Variants in STAG1 observed in about 807,000 individuals in gnomAD.
STAG1 encodes cohesin subunit SA-1.
In STAG1, 26 loss-of-function variants were observed where a neutral mutation model predicts 170.9. The observed-to-expected ratio is 0.15, with a 90% CI of 0.11 to 0.21. The LOEUF is 0.21. STAG1 is among the 10% of genes least tolerant of loss of function. STAG1 has a pLI of 1.00. For synonymous variants in STAG1, 514 were observed against 497.7 expected (o/e 1.03, Z -0.44); for missense variants, 964 against 1,509.5 (o/e 0.64, Z 5.99).
chr3:136,405,494 G>A (rs1288665436), intron 21 of STAG1, among the ~76,000 whole-genome samples: 1 of 151,142 alleles, frequency 6.6e-6, no homozygotes, highest in Admixed American at 6.6e-5. Flanking sequence ...TGCCTGTATC[G>A]ACCTCTCAAA....
chr3:136,430,928 G>C (rs1169994618), intron 16 of STAG1, among the ~76,000 whole-genome samples: 1 of 149,180 alleles, frequency 6.7e-6, no homozygotes, highest in Non-Finnish European at 1.5e-5. Context: ...TTTGGAGACA[G>C]AGTCTTACTC....
In STAG1 at chr3:136,498,225, T is replaced by TACAC. The variant is rs1238657418; in HGVS notation, c.902+1997_902+1998insGTGT. ...AAAAAAAAAATTATATATATATATA[T>TACAC]ATATATATACACATACATATACATA... On this transcript the variant is annotated intron_variant, in intron 9 of 33. Coordinates refer to ENST00000383202, the MANE Select transcript of STAG1 (RefSeq NM_005862.3). Among the ~76,000 whole-genome samples, 3 of 56,726 alleles carry TACAC rather than the reference T, an allele frequency of 5.3e-5. 1 individual carries two copies. The highest frequency in any genetic ancestry group is 2.4e-4 in the African/African-American group (3 of 12,754). The allele number at this position is 56,726 out of a possible 152,430, so 37.2% of individuals were successfully genotyped here. A position where few individuals can be genotyped will look rare whatever the true frequency, so the allele number is the denominator to read the frequency against.
chr3:136,503,216 A>G (rs953140425), intron 7 of STAG1, among the ~76,000 whole-genome samples: 4 of 152,160 alleles, frequency 2.6e-5, no homozygotes, highest in Non-Finnish European at 4.4e-5. Context: ...TTTACAATCA[A>G]TTTGTGATCT....
intron 31 of STAG1, 144 bp downstream of exon 31, chr3:136,341,297 A>G (rs477142): frequency 1 from 578,441 of 578,492 alleles, 289,195 homozygotes; most frequent in East Asian, 1. Flanking sequence ...AAGAACTCAC[A>G]CCCTCCTTTC....
intron 1 of STAG1, among the ~76,000 whole-genome samples, chr3:136,730,267 T>C (rs768308444): frequency 2.0e-5 from 3 of 152,244 alleles, no homozygotes; most frequent in Non-Finnish European, 4.4e-5. Flanking sequence ...CTGTGATTTG[T>C]TGCCAACATT....
chr3:136,377,826 G>T, intron 22 of STAG1, 74 bp from the exon 23 acceptor site: 3 of 1,238,756 alleles, frequency 2.4e-6, no homozygotes, highest in Non-Finnish European at 3.5e-6. Flanking sequence ...AACAGTAAGT[G>T]GAAAATAGCA....
At chr3:136,368,776 G>T (rs1197076789) in intron 24 of STAG1, among the ~76,000 whole-genome samples, 1 of 152,238 alleles carries the variant, frequency 6.6e-6, no homozygotes, top group Non-Finnish European at 1.5e-5. Flanking sequence ...TTAAAGGAGG[G>T]AGACTTCACT....
intron 8 of STAG1, 116 bp downstream of exon 8, chr3:136,502,512 A>C: frequency 8.7e-7 from 1 of 1,148,144 alleles, no homozygotes; most frequent in Non-Finnish European, 1.2e-6. Flanking sequence ...CCTGACATCA[A>C]ATAATCTAAC....
intron 3 of STAG1, among the ~76,000 whole-genome samples, chr3:136,605,309 TG>T (rs952035613): frequency 6.6e-6 from 1 of 152,174 alleles, no homozygotes; most frequent in African/African-American, 2.4e-5. Flanking sequence ...AGTTAATACT[TG>T]CTATAATCTT....
intron 15 of STAG1, among the ~76,000 whole-genome samples, chr3:136,439,077 T>C (rs2107755508): frequency 6.6e-6 from 1 of 150,490 alleles, no homozygotes; most frequent in Non-Finnish European, 1.5e-5. Flanking sequence ...GCGCCTGTAA[T>C]CCCAGCTACT....
intron 4 of STAG1, among the ~76,000 whole-genome samples, chr3:136,572,795 C>A (rs1937317119): frequency 6.6e-6 from 1 of 151,698 alleles, no homozygotes; most frequent in Non-Finnish European, 1.5e-5. Flanking sequence ...TGATACTGAC[C>A]CTGATATATT....
At chr3:136,541,767 T>G (rs1935917104) in intron 6 of STAG1, among the ~76,000 whole-genome samples, 1 of 152,160 alleles carries the variant, frequency 6.6e-6, no homozygotes, top group African/African-American at 2.4e-5. Context: ...CCAAACTGTT[T>G]TCCCCTTAAA....
At chr3:136,706,528 T>C (rs1365122380) in intron 1 of STAG1, among the ~76,000 whole-genome samples, 1 of 152,236 alleles carries the variant, frequency 6.6e-6, no homozygotes, top group Non-Finnish European at 1.5e-5. Flanking sequence ...GGTGAAAGAT[T>C]TGCAGAGAAC....
chr3:136,662,482 T>C (rs1188910384), intron 1 of STAG1, among the ~76,000 whole-genome samples: 2 of 151,980 alleles, frequency 1.3e-5, no homozygotes, highest in Non-Finnish European at 2.9e-5. Context: ...TCTCACTCTG[T>C]TGCCCAGGCT....
chr3:136,466,048 T>C (rs1000403559), intron 12 of STAG1, among the ~76,000 whole-genome samples: 5 of 151,930 alleles, frequency 3.3e-5, no homozygotes, highest in African/African-American at 1.2e-4. Context: ...ACCACAAAGA[T>C]GGGGAAAAAC....
intron 13 of STAG1, among the ~76,000 whole-genome samples, chr3:136,456,302 TATG>T (rs1050866903): frequency 2.6e-5 from 4 of 151,928 alleles, no homozygotes; most frequent in African/African-American, 9.7e-5. Flanking sequence ...AAATGAGAAA[TATG>T]ATGAATAGAA....
At chr3:136,577,925 G>A (rs1404235446) in intron 4 of STAG1, among the ~76,000 whole-genome samples, 1 of 152,138 alleles carries the variant, frequency 6.6e-6, no homozygotes, top group East Asian at 1.9e-4. Flanking sequence ...TATCTGGTTG[G>A]TGCACTGAAA....
chr3:136,380,049 T>A (rs1030429154), intron 22 of STAG1, among the ~76,000 whole-genome samples: 1 of 152,204 alleles, frequency 6.6e-6, no homozygotes, highest in Non-Finnish European at 1.5e-5. Context: ...TTCCCAGAAC[T>A]ATAAATTTAC....
chr3:136,361,808 T>C (rs1936872777), intron 26 of STAG1, among the ~76,000 whole-genome samples: 1 of 152,090 alleles, frequency 6.6e-6, no homozygotes, highest in Admixed American at 6.6e-5. Context: ...GACGGGGTCT[T>C]GCCATGTTGC....
Sources: gnomAD v4.1 joint callset for allele counts (sites outside exome capture counted in the v4.1 genomes callset) on GRCh38, gnomAD v4.1.1 for gene constraint, MANE v1.5 for transcripts, NCBI Gene and HGNC (gene_info 2026-07-23, HGNC 2026-07-21) for gene names.